Variants in RADIL observed in about 807,000 individuals in gnomAD.
RADIL encodes the protein ras-associating and dilute domain-containing protein.
Under a neutral mutation model 97.6 loss-of-function variants are expected in RADIL, and 99 were observed. That is an observed-to-expected ratio of 1.01 (90% confidence interval 0.86 to 1.20). RADIL has a LOEUF of 1.20. RADIL is among the 50% of genes most tolerant of loss of function. The pLI is 0.00. For missense variants in RADIL, 1,765 were observed against 1,498.9 expected, an observed-to-expected ratio of 1.18 and a Z score of -2.93; for synonymous variants, 803 against 691.8, an observed-to-expected ratio of 1.16 and a Z score of -2.52.
chr7:4,861,760 C>T, intron 2 of RADIL: 1 of 1,485,226 alleles, frequency 6.7e-7, no homozygotes, highest in Non-Finnish European at 8.9e-7. Flanking sequence ...AGCGATTCGG[C>T]GGCGGCGCCG....
Position 4,821,749 on chromosome 7 carries a change from G to C in RADIL, c.1615+645C>G, listed in dbSNP as rs1034805605. Among the ~76,000 whole-genome samples, 1 of 152,064 alleles carries C rather than the reference G, an allele frequency of 6.6e-6. No homozygotes were observed. The highest frequency in any genetic ancestry group is 1.5e-5 in the Non-Finnish European group (1 of 68,006). On this transcript the variant is annotated intron_variant, in intron 6 of 14. Coordinates refer to ENST00000399583, the MANE Select transcript of RADIL (RefSeq NM_018059.5). This position sits in a 1 kb window ranked among gnomAD's most constrained non-coding sequence, Gnocchi z 5.2. Reference sequence around the variant, plus strand: ...CATGCTCCTGTAATCCCAGGTACTCGGGAGGCTGAGGCACGAGAATCGCTT... The same window carrying C: ...CATGCTCCTGTAATCCCAGGTACTCCGGAGGCTGAGGCACGAGAATCGCTT...
At chr7:4,882,402 A>G (rs1460214782) in intron 1 of RADIL, among the ~76,000 whole-genome samples, 2 of 152,236 alleles carry the variant, frequency 1.3e-5, no homozygotes, top group East Asian at 3.9e-4. Context: ...GGGAAAGCGC[A>G]GGGCTCGGAC....
Position 4,835,672 on chromosome 7 carries a change from G to A in RADIL, c.784-433C>T, listed in dbSNP as rs1436141929. Among the ~76,000 whole-genome samples the A allele has an allele frequency of 6.6e-6, 1 of 152,016 alleles. No homozygotes were observed. The highest frequency in any genetic ancestry group is 1.5e-5 in the Non-Finnish European group (1 of 67,994). On this transcript the variant is annotated intron_variant, in intron 3 of 14. Coordinates refer to ENST00000399583, the MANE Select transcript of RADIL (RefSeq NM_018059.5). The surrounding 1 kb of genome is among the most constrained non-coding windows in gnomAD (Gnocchi z 5.8). Reference sequence around the variant, plus strand: ...GCCTGTGTGAGAGCACTGCCCCGAGGGAAGATGCCACCTAAAACCTGGGCA... The same window carrying A: ...GCCTGTGTGAGAGCACTGCCCCGAGAGAAGATGCCACCTAAAACCTGGGCA...
In RADIL at chr7:4,861,216, T is replaced by C. The variant is rs754213353; in HGVS notation, c.535+16389A>G. Reference sequence around the variant, plus strand: ...ACCCGGCAACCATTAAGGCTTCTTATGCATCTAATGTCTAAATTTTTAAGT... The same window carrying C: ...ACCCGGCAACCATTAAGGCTTCTTACGCATCTAATGTCTAAATTTTTAAGT... On this transcript the variant is annotated intron_variant, in intron 2 of 14. Coordinates refer to ENST00000399583, the MANE Select transcript of RADIL (RefSeq NM_018059.5). 51 of 1,614,104 alleles carry C rather than the reference T, an allele frequency of 3.2e-5. No homozygotes were observed. Among genetic ancestry groups the C allele is most frequent in the Non-Finnish European group, 4.2e-5 (49 of 1,180,006 alleles).
At chr7:4,861,280 C>A (rs970394725) in intron 2 of RADIL, 1 of 1,614,152 alleles carries the variant, frequency 6.2e-7, no homozygotes. Flanking sequence ...CTGGAATAGT[C>A]TGTAGTGCTA....
In RADIL at chr7:4,815,220, C is replaced by T. The variant is rs932481179; in HGVS notation, c.2139+58G>A. On this transcript the variant is annotated intron_variant, in intron 9 of 14. Transcript: ENST00000399583. The surrounding 1 kb of genome is among the most constrained non-coding windows in gnomAD (Gnocchi z 8.0). ...CCAGGCTTGGTTTGTGAGCCAGGGACCCACAGCATGTGGCCCCGCCCCTCC... is the reference window on the plus strand; with the variant it reads ...CCAGGCTTGGTTTGTGAGCCAGGGATCCACAGCATGTGGCCCCGCCCCTCC... 1 of 1,455,214 alleles carries T rather than the reference C, an allele frequency of 6.9e-7. No homozygotes were observed. The highest frequency in any genetic ancestry group is 2.5e-5 in the Admixed American group (1 of 39,660). The allele number at this position is 1,455,214 out of a possible 1,614,324, so 90.1% of individuals were successfully genotyped here. A position where few individuals can be genotyped will look rare whatever the true frequency, so the allele number is the denominator to read the frequency against.
Position 4,822,471 on chromosome 7 carries a change from G to C in RADIL, c.1538C>G (p.Ser513Cys), listed in dbSNP as rs1197065525. The change falls in exon 6 of 15, where the codon TCC becomes TGC. Residue 513 changes from serine (S) to cysteine (C), a missense_variant. Ser to Cys is a moderately radical substitution (Grantham distance 112). Coordinates refer to ENST00000399583, the MANE Select transcript of RADIL (RefSeq NM_018059.5). The surrounding 1 kb of genome is among the most constrained non-coding windows in gnomAD (Gnocchi z 5.3). ...LQPILFWMSNSIELLYFIQQK... is the reference protein window; with the variant it reads ...LQPILFWMSNCIELLYFIQQK... ...CTGGATAAAGTACAGGAGCTCGATGGAGTTAGACATCCAGAAAAGAATGGG... is the reference window on the plus strand; with the variant it reads ...CTGGATAAAGTACAGGAGCTCGATGCAGTTAGACATCCAGAAAAGAATGGG... The C allele has an allele frequency of 6.2e-7, 1 of 1,613,082 alleles. No individual in the cohort carries two copies. The highest frequency in any genetic ancestry group is 8.5e-7 in the Non-Finnish European group (1 of 1,180,004).
intron 2 of RADIL, among the ~76,000 whole-genome samples, chr7:4,855,187 T>C (rs988677620): frequency 6.6e-6 from 1 of 152,202 alleles, no homozygotes; most frequent in African/African-American, 2.4e-5. Flanking sequence ...GATATGTGGA[T>C]TGTTTGGAAC....
At chr7:4,800,150 C>A in intron 13 of RADIL, 21 bp downstream of exon 13, 2 of 1,594,412 alleles carry the variant, frequency 1.3e-6, no homozygotes, top group Non-Finnish European at 1.7e-6. Flanking sequence ...GGGGGTGCGG[C>A]GAGGGTCCTG....
chr7:4,878,222 G>C lies in RADIL; in HGVS notation c.-64-19C>G. ...CCGTGACCTGGGTGAAAAAGTGAGA[G>C]AGGTTAGCGCCAACCATCGTGACCA... On this transcript the variant is annotated intron_variant, in intron 1 of 14. Transcript: ENST00000399583. This position sits in a 1 kb window ranked among gnomAD's most constrained non-coding sequence, Gnocchi z 4.1. The C allele has an allele frequency of 7.2e-7, 1 of 1,387,394 alleles. No individual in the cohort carries two copies. Among genetic ancestry groups the C allele is most frequent in the Non-Finnish European group, 9.5e-7 (1 of 1,048,102 alleles). 85.9% of individuals were successfully genotyped at this position (1,387,394 alleles called of 1,614,324 possible).
In RADIL at chr7:4,822,391, T is replaced by C. The variant is rs1782858697; in HGVS notation, c.1615+3A>G. On this transcript the variant is annotated splice_donor_region_variant and intron_variant, in intron 6 of 14. Coordinates refer to ENST00000399583, the MANE Select transcript of RADIL (RefSeq NM_018059.5). This position sits in a 1 kb window ranked among gnomAD's most constrained non-coding sequence, Gnocchi z 5.3. ...GGGGAATGGAGGGCAGCGCCAGCCG[T>C]ACCTGTGATGTCCAGCTGCTCCTCC... is the stretch of plus-strand genomic sequence containing the variant. 6.2e-7 allele frequency: 1 copy of C among 1,608,880 alleles called. No individual in the cohort carries two copies. The highest frequency in any genetic ancestry group is 8.5e-7 in the Non-Finnish European group (1 of 1,178,558).
At chr7:4,860,722 A>G in intron 2 of RADIL, 1 of 1,614,162 alleles carries the variant, frequency 6.2e-7, no homozygotes, top group Middle Eastern at 1.6e-4. Flanking sequence ...TTGGAGCTTC[A>G]AAGAGTTTGG....
chr7:4,874,166 C>T (rs1264276956), intron 2 of RADIL, among the ~76,000 whole-genome samples: 1 of 152,232 alleles, frequency 6.6e-6, no homozygotes, highest in Non-Finnish European at 1.5e-5. Flanking sequence ...AGGTGTCTCA[C>T]GCAGGGAACA....
At position 4,817,881 on chromosome 7, in the gene RADIL, C is replaced by A. The variant is rs1347048699; in HGVS notation, c.1616-530G>T. On this transcript the variant is annotated intron_variant, in intron 6 of 14. Coordinates refer to ENST00000399583, the MANE Select transcript of RADIL (RefSeq NM_018059.5). The surrounding 1 kb of genome is among the most constrained non-coding windows in gnomAD (Gnocchi z 8.3). ...AGCTGAGGCTGGGGGGAGCTGCCCA[C>A]GGAGTGGTTCCTGCCGTCTGGGTGG... is the stretch of plus-strand genomic sequence containing the variant. Among the ~76,000 whole-genome samples the A allele has an allele frequency of 6.6e-6, 1 of 152,182 alleles. No individual in the cohort carries two copies. The highest frequency in any genetic ancestry group is 6.5e-5 in the Admixed American group (1 of 15,280).
rs759731310 is a variant in RADIL, at chr7:4,815,407, G to A, written c.2010C>T (p.Ala670=). 1.9e-6 allele frequency: 3 copies of A among 1,562,176 alleles called. No homozygotes were observed. The highest frequency in any genetic ancestry group is 2.4e-5 in the South Asian group (2 of 84,958). ...CCAGGAGCTGCTGCAGGCGGGCGCA[G>A]GCCTGGACACCTCTGGGCCAGTGGA... The part of the protein sequence containing the change: ...SCFHWPRGVQ[A]CARLQQLLEW... Residue 670 remains alanine (A), a synonymous_variant, in exon 9 of 15, where the codon GCC becomes GCT. Coordinates refer to ENST00000399583, the MANE Select transcript of RADIL (RefSeq NM_018059.5). The surrounding 1 kb of genome is among the most constrained non-coding windows in gnomAD (Gnocchi z 8.0).
Position 4,815,473 on chromosome 7 carries a change from T to C in RADIL, c.1967-23A>G. On this transcript the variant is annotated intron_variant, in intron 8 of 14. Transcript: ENST00000399583. The surrounding 1 kb of genome is among the most constrained non-coding windows in gnomAD (Gnocchi z 8.0). ...GGCCTGTGGAGGGAAGAAGGGAGGG[T>C]GATGCCTGGGCTGCCCTCCTGGGGG... 1.4e-6 allele frequency: 2 copies of C among 1,481,376 alleles called. No homozygotes were observed. Among genetic ancestry groups the C allele is most frequent in the Non-Finnish European group, 1.8e-6 (2 of 1,112,588 alleles). 91.8% of individuals were successfully genotyped at this position (1,481,376 alleles called of 1,614,324 possible).
At chr7:4,877,453 G>C in intron 2 of RADIL, 152 bp downstream of exon 2, 1 of 849,312 alleles carries the variant, frequency 1.2e-6, no homozygotes, top group Non-Finnish European at 1.8e-6. Flanking sequence ...AAAGAGGAAG[G>C]CTTCAAACAT....
intron 2 of RADIL, among the ~76,000 whole-genome samples, chr7:4,844,821 C>T (rs182688926): frequency 9.3e-4 from 141 of 152,166 alleles, no homozygotes; most frequent in African/African-American, 3.1e-3. Context: ...CCAGGCTGGC[C>T]GCAAACTCCT....
chr7:4,832,309 T>G (rs1783166749), intron 4 of RADIL, 131 bp from the exon 5 acceptor site: 1 of 856,370 alleles, frequency 1.2e-6, no homozygotes, highest in Admixed American at 2.1e-5. Flanking sequence ...CGCTGACTAT[T>G]TATTCAAGCT....
Sources: gnomAD v4.1 joint callset for allele counts (sites outside exome capture counted in the v4.1 genomes callset) on GRCh38, gnomAD v4.1.1 for gene constraint, Gnocchi (gnomAD v3.1) non-coding constraint, MANE v1.5 for transcripts, NCBI Gene and HGNC (gene_info 2026-07-23, HGNC 2026-07-21) for gene names.